GALNT14: variants seen among roughly 807,000 people sequenced by gnomAD.
The protein encoded by GALNT14 is UDP-GalNAc:polypeptide N-acetylgalactosaminyltransferase 14.
A neutral mutation model predicts 77.5 loss-of-function variants in GALNT14; 60 were observed. The ratio of observed to expected loss-of-function variants is 0.77; its 90% CI spans 0.63 to 0.96. The LOEUF (loss-of-function observed/expected upper bound fraction) is 0.96. Ranked by LOEUF, GALNT14 falls within the 40% of genes least tolerant of loss-of-function variation. The pLI is 0.00. For missense variants in GALNT14, 710 were observed against 731.0 expected (o/e 0.97, Z 0.33); for synonymous variants, 280 against 281.7 (o/e 0.99, Z 0.06).
chr2:31,054,256 C>A (rs1558529964), intron 1 of GALNT14, among the ~76,000 whole-genome samples: 1 of 152,190 alleles, frequency 6.6e-6, no homozygotes, highest in Non-Finnish European at 1.5e-5. Flanking sequence ...TGAAATCACA[C>A]TTACATATGT....
At chr2:30,917,350 A>G (rs1664747492) in intron 13 of GALNT14, among the ~76,000 whole-genome samples, 1 of 152,124 alleles carries the variant, frequency 6.6e-6, no homozygotes, top group African/African-American at 2.4e-5. Context: ...GCACAGGACA[A>G]CCCCTCAACA....
intron 1 of GALNT14, among the ~76,000 whole-genome samples, chr2:31,006,880 C>A (rs977187832): frequency 6.6e-6 from 1 of 152,310 alleles, no homozygotes; most frequent in Non-Finnish European, 1.5e-5. Context: ...CTCTCTTCTA[C>A]GCCTGCTAGG....
At chr2:31,061,178 A>G (rs765657925) in intron 1 of GALNT14, among the ~76,000 whole-genome samples, 2 of 151,676 alleles carry the variant, frequency 1.3e-5, no homozygotes, top group Non-Finnish European at 2.9e-5. Flanking sequence ...CTCAAACTCA[A>G]CTCATCTACA....
At chr2:31,031,330 T>C (rs538888159) in intron 1 of GALNT14, among the ~76,000 whole-genome samples, 1 of 152,098 alleles carries the variant, frequency 6.6e-6, no homozygotes, top group Non-Finnish European at 1.5e-5. Flanking sequence ...GGGAACTTTA[T>C]AAAAGAAAGC....
intron 1 of GALNT14, among the ~76,000 whole-genome samples, chr2:31,037,864 C>T (rs1156825359): frequency 6.6e-6 from 1 of 151,754 alleles, no homozygotes; most frequent in Non-Finnish European, 1.5e-5. Flanking sequence ...CCTCATTCTT[C>T]ACTTCCTATT....
intron 1 of GALNT14, among the ~76,000 whole-genome samples, chr2:31,057,811 G>A (rs1317583744): frequency 6.6e-6 from 1 of 152,148 alleles, no homozygotes; most frequent in Admixed American, 6.5e-5. Context: ...CTGGGAAGCT[G>A]AGCACTACTA....
At position 31,137,993 on chromosome 2, in the gene GALNT14, C is replaced by A. The variant is rs746887755; in HGVS notation, c.94G>T (p.Glu32Ter). 6.2e-7 allele frequency: 1 copy of A among 1,613,782 alleles called. No individual in the cohort carries two copies. Among genetic ancestry groups the A allele is most frequent in the East Asian group, 2.2e-5 (1 of 44,826 alleles). ...TGCACTTCAGGTCCCGTCGGCACCT[C>A]CAACTTCCTCTTGGTTACCCAGAAG... ...LFFWVTKRKL[E>*]VPTGPEVQTP... Residue 32 changes from glutamate to a stop codon, truncating the protein, a stop_gained, in exon 1 of 15, where the codon GAG becomes TAG. Coordinates refer to ENST00000349752, the MANE Select transcript of GALNT14 (RefSeq NM_024572.4). LOFTEE classifies it high-confidence loss of function.
At chr2:30,889,174 A>G in the GALNT14 span, among the ~76,000 whole-genome samples, 1 of 152,216 alleles carries the variant, frequency 6.6e-6, no homozygotes, top group Admixed American at 6.5e-5. Context: ...ACTGTGCAGC[A>G]CGACCAAAAT....
chr2:31,086,144 C>T (rs1398134153), intron 1 of GALNT14, among the ~76,000 whole-genome samples: 1 of 152,192 alleles, frequency 6.6e-6, no homozygotes, highest in East Asian at 1.9e-4. Context: ...ATCATTTCCC[C>T]ACCCTGGCCA....
chr2:30,998,144 G>A (rs886552899), intron 1 of GALNT14, among the ~76,000 whole-genome samples: 1 of 152,194 alleles, frequency 6.6e-6, no homozygotes, highest in East Asian at 1.9e-4. Context: ...AAACTGTCTC[G>A]TTAAGTCTGC....
At chr2:31,059,985 C>G (rs534376448) in intron 1 of GALNT14, among the ~76,000 whole-genome samples, 2 of 152,352 alleles carry the variant, frequency 1.3e-5, no homozygotes, top group African/African-American at 4.8e-5. Context: ...ATTCCCAACT[C>G]TCCTTGAATG....
chr2:30,910,146 C>G (rs1311244079), downstream of GALNT14, among the ~76,000 whole-genome samples: 18 of 151,416 alleles, frequency 1.2e-4, no homozygotes, highest in Non-Finnish European at 1.5e-4. Context: ...ACCAGCATGG[C>G]ACATGTATAC....
At chr2:31,038,190 G>A (rs1287060448) in intron 1 of GALNT14, among the ~76,000 whole-genome samples, 1 of 146,738 alleles carries the variant, frequency 6.8e-6, no homozygotes, top group Non-Finnish European at 1.5e-5. Flanking sequence ...CGCCTCCCAG[G>A]TTCAAGTGAT....
chr2:30,957,874 A>C (rs578167574), intron 4 of GALNT14, among the ~76,000 whole-genome samples: 2 of 152,296 alleles, frequency 1.3e-5, no homozygotes, highest in South Asian at 4.2e-4. Context: ...CTACCAGTAC[A>C]TTACTTCTGA....
At chr2:31,081,505 C>T (rs1436061981) in intron 1 of GALNT14, among the ~76,000 whole-genome samples, 1 of 152,182 alleles carries the variant, frequency 6.6e-6, no homozygotes, top group Non-Finnish European at 1.5e-5. Context: ...TTGGACCTGT[C>T]TCAAACAGTT....
At chr2:31,013,854 T>G (rs566085908) in intron 1 of GALNT14, among the ~76,000 whole-genome samples, 103 of 152,148 alleles carry the variant, frequency 6.8e-4, no homozygotes, top group African/African-American at 2.3e-3. Context: ...ATTACAAAAC[T>G]AAAAGTAAAC....
rs115444220 is a variant in GALNT14, at chr2:31,106,122, G to A, written c.129+31836C>T. On this transcript the variant is annotated intron_variant, in intron 1 of 14. Transcript: ENST00000349752. Reference sequence around the variant, plus strand: ...GGGGAGGGGTTATTCCCTATCTTTCGTGTCTAAAACTTCCCAAGGCTATAA... The same window carrying A: ...GGGGAGGGGTTATTCCCTATCTTTCATGTCTAAAACTTCCCAAGGCTATAA... Among the ~76,000 whole-genome samples the A allele has an allele frequency of 7.9e-5, 12 of 152,186 alleles. No homozygotes were observed. In the South Asian group the frequency reaches 8.3e-4, roughly 11 times the overall value.
intron 1 of GALNT14, among the ~76,000 whole-genome samples, chr2:31,021,331 T>A (rs1671704338): frequency 6.6e-6 from 1 of 151,936 alleles, no homozygotes; most frequent in South Asian, 2.1e-4. Flanking sequence ...TGCGACAGAG[T>A]TTTGCTCTTT....
At chr2:31,063,468 T>A (rs575894448) in intron 1 of GALNT14, among the ~76,000 whole-genome samples, 1 of 152,202 alleles carries the variant, frequency 6.6e-6, no homozygotes, top group African/African-American at 2.4e-5. Context: ...TGTAATCTTG[T>A]AGTATAGTTT....
Sources: gnomAD v4.1 joint callset for allele counts (sites outside exome capture counted in the v4.1 genomes callset) on GRCh38, gnomAD v4.1.1 for gene constraint, MANE v1.5 for transcripts, NCBI Gene and HGNC (gene_info 2026-07-23, HGNC 2026-07-21) for gene names.